TBC1D12: variants seen among roughly 807,000 people sequenced by gnomAD.
TBC1D12 encodes TBC1 domain family member 12.
A neutral mutation model predicts 86.7 loss-of-function variants in TBC1D12; 56 were observed. That is an observed-to-expected ratio of 0.65 (90% CI 0.52 to 0.81). TBC1D12 has a LOEUF of 0.81. TBC1D12 is among the 30% of genes least tolerant of loss of function. The probability of loss-of-function intolerance (pLI) is 0.00; values close to 1 mark genes in which losing one functional copy is unlikely to be tolerated. For missense variants in TBC1D12, 1,023 were observed against 1,038.8 expected (o/e 0.98, Z 0.21); for synonymous variants, 421 against 411.7 (o/e 1.02, Z -0.27).
chr10:94,407,658 G>C (rs2054874547), intron 1 of TBC1D12, among the ~76,000 whole-genome samples: 2 of 148,714 alleles, frequency 1.3e-5, no homozygotes, highest in African/African-American at 5.0e-5. Context: ...CTCCAGCCTG[G>C]GTGACAGATT....
At chr10:94,466,574 T>C (rs1274535864) in intron 2 of TBC1D12, among the ~76,000 whole-genome samples, 3 of 152,188 alleles carry the variant, frequency 2.0e-5, no homozygotes, top group Non-Finnish European at 4.4e-5. Flanking sequence ...CATCCTTTTT[T>C]GTTTGTTTTA....
chr10:94,403,111 C>T lies in TBC1D12; in HGVS notation c.498C>T (p.Arg166=), dbSNP rs2054793620. The T allele has an allele frequency of 7.2e-7, 1 of 1,390,596 alleles. No individual in the cohort carries two copies. The highest frequency in any genetic ancestry group is 3.1e-5 in the East Asian group (1 of 32,574). 86.1% of individuals were successfully genotyped at this position (1,390,596 alleles called of 1,614,324 possible). A position where few individuals can be genotyped will look rare whatever the true frequency, so the allele number is the denominator to read the frequency against. Reference sequence around the variant, plus strand: ...CCGGCGGCCGGGAGTCGCGCCGCCGCCGCCCCTACGGCCGCCTTCGCCTGG... The same window carrying T: ...CCGGCGGCCGGGAGTCGCGCCGCCGTCGCCCCTACGGCCGCCTTCGCCTGG... ...ARAGGRESRR[R]RPYGRLRLEG... is the part of the protein sequence containing the mutation. Residue 166 remains arginine (R), a synonymous_variant, in exon 1 of 13, where the codon CGC becomes CGT. Coordinates refer to ENST00000225235, the MANE Select transcript of TBC1D12 (RefSeq NM_015188.2).
chr10:94,479,720 A>G (rs548277895), intron 3 of TBC1D12, among the ~76,000 whole-genome samples: 1 of 152,294 alleles, frequency 6.6e-6, no homozygotes, highest in South Asian at 2.1e-4. Context: ...TGGATTTTAA[A>G]TGTGGTTGGA....
At chr10:94,463,234 T>G (rs1404872195) in intron 2 of TBC1D12, among the ~76,000 whole-genome samples, 3 of 152,214 alleles carry the variant, frequency 2.0e-5, no homozygotes, top group Non-Finnish European at 4.4e-5. Context: ...TCTCAGTCCA[T>G]TTTCCGTTGC....
Position 94,402,957 on chromosome 10 carries a change from C to T in TBC1D12, c.344C>T (p.Ser115Phe), listed in dbSNP as rs1327257426. The T allele has an allele frequency of 1.3e-6, 2 of 1,572,290 alleles. No homozygotes were observed. The highest frequency in any genetic ancestry group is 2.5e-5 in the East Asian group (1 of 40,346). Residue 115 changes from serine (S) to phenylalanine (F), a missense_variant, in exon 1 of 13, where the codon TCC (serine) becomes TTC (phenylalanine). Transcript: ENST00000225235. The part of the protein sequence containing the change: ...RSDACLLGSG[S>F]KHRGAEVADG... ...GACGCCTGCCTGCTGGGCTCGGGCT[C>T]CAAACACCGCGGCGCGGAGGTGGCT... is the stretch of plus-strand genomic sequence containing the variant.
chr10:94,472,694 CATTG>C (rs1339644101), intron 2 of TBC1D12, among the ~76,000 whole-genome samples: 2 of 151,958 alleles, frequency 1.3e-5, no homozygotes, highest in Non-Finnish European at 2.9e-5. Context: ...AGAAAAGAAA[CATTG>C]AGCATGATTA....
At chr10:94,506,552 C>T (rs557971844) in intron 6 of TBC1D12, among the ~76,000 whole-genome samples, 1 of 151,960 alleles carries the variant, frequency 6.6e-6, no homozygotes, top group African/African-American at 2.4e-5. Flanking sequence ...AAATAAAGAC[C>T]AAAAAAATTT....
chr10:94,432,351 T>C (rs2055229477), intron 1 of TBC1D12, among the ~76,000 whole-genome samples: 1 of 152,226 alleles, frequency 6.6e-6, no homozygotes, highest in Non-Finnish European at 1.5e-5. Context: ...AAAGTAGTGA[T>C]TATTTTCCTA....
chr10:94,484,248 GTT>G (rs35799519), intron 3 of TBC1D12, among the ~76,000 whole-genome samples: 111,963 of 133,580 alleles, frequency 0.84, 46,619 homozygotes, highest in East Asian at 0.96. Flanking sequence ...TGTTTCTTTT[GTT>G]TTTTTTTTTT....
At chr10:94,505,290 G>A (rs907758682) in intron 6 of TBC1D12, among the ~76,000 whole-genome samples, 1 of 152,086 alleles carries the variant, frequency 6.6e-6, no homozygotes, top group African/African-American at 2.4e-5. Context: ...ATAAATAATA[G>A]GAATTTTGCC....
intron 1 of TBC1D12, among the ~76,000 whole-genome samples, chr10:94,427,366 C>G (rs910946535): frequency 5.9e-5 from 9 of 152,196 alleles, no homozygotes; most frequent in Admixed American, 3.9e-4. Context: ...TTCTAACTTC[C>G]CTTTGAATAT....
chr10:94,511,550 G>C, intron 8 of TBC1D12, 33 bp from the exon 9 acceptor site: 2 of 1,355,270 alleles, frequency 1.5e-6, no homozygotes, highest in Non-Finnish European at 2.1e-6. Context: ...AAAATTATTT[G>C]TACAGTTTCA....
Position 94,441,884 on chromosome 10 carries a change from T to A in TBC1D12, c.972-12T>A, listed in dbSNP as rs1360343710. ...CAAAAAACACAATTCATGTAACTTT[T>A]CTGTGTTTCAGAAACCTTTTTCCAA... is the stretch of plus-strand genomic sequence containing the variant. On this transcript the variant is annotated splice_polypyrimidine_tract_variant and intron_variant, in intron 1 of 12. Coordinates refer to ENST00000225235, the MANE Select transcript of TBC1D12 (RefSeq NM_015188.2). 1.2e-6 allele frequency: 2 copies of A among 1,608,476 alleles called. No homozygotes were observed. The highest frequency in any genetic ancestry group is 1.7e-5 in the Admixed American group (1 of 58,802).
chr10:94,463,537 A>C (rs1306027534), intron 2 of TBC1D12, among the ~76,000 whole-genome samples: 1 of 152,248 alleles, frequency 6.6e-6, no homozygotes, highest in Non-Finnish European at 1.5e-5. Flanking sequence ...CTCCTGACCA[A>C]ATTACCTCTT....
intron 6 of TBC1D12, among the ~76,000 whole-genome samples, chr10:94,506,517 C>G (rs998771574): frequency 6.6e-6 from 1 of 152,042 alleles, no homozygotes; most frequent in Admixed American, 6.6e-5. Flanking sequence ...TATGTAGTTT[C>G]AAATATCTGC....
rs138317683 is a variant in TBC1D12 at position 94,416,472 on chromosome 10, A to G, written c.971+12888A>G. ...TTCCCCCCTAGAGCCACAAAATACA[A>G]TTCAATTCATTTACATGATTACCCT... On this transcript the variant is annotated intron_variant, in intron 1 of 12. Transcript: ENST00000225235. Among the ~76,000 whole-genome samples, 436 of 152,318 alleles carry G rather than the reference A, an allele frequency of 2.9e-3. 2 individuals carry two copies. Among genetic ancestry groups the G allele is most frequent in the African/African-American group, 1.0e-2 (415 of 41,574 alleles).
At position 94,510,148 on chromosome 10, in the gene TBC1D12, G is replaced by A. The variant is rs189620911; in HGVS notation, c.1658G>A (p.Arg553His). The change falls in exon 8 of 13, where the codon CGT becomes CAT. Residue 553 changes from arginine to histidine, a missense_variant. Coordinates refer to ENST00000225235, the MANE Select transcript of TBC1D12 (RefSeq NM_015188.2). Reference sequence around the variant, plus strand: ...GAATTAATTAAGTTGGACATATCCCGTACATTTCCATCTCTCTACATCTTT... The same window carrying A: ...GAATTAATTAAGTTGGACATATCCCATACATTTCCATCTCTCTACATCTTT... The part of the protein sequence containing the change: ...SLELIKLDIS[R>H]TFPSLYIFQK... 2.9e-5 allele frequency: 46 copies of A among 1,606,142 alleles called. No individual in the cohort carries two copies. The highest frequency in any genetic ancestry group is 1.0e-4 in the South Asian group (9 of 89,186).
intron 2 of TBC1D12, among the ~76,000 whole-genome samples, chr10:94,462,211 G>A (rs1031592277): frequency 6.6e-6 from 1 of 152,148 alleles, no homozygotes; most frequent in Non-Finnish European, 1.5e-5. Flanking sequence ...TAGAATTGGT[G>A]TTATTTCTTC....
chr10:94,495,172 C>T (rs1040602717), intron 4 of TBC1D12, among the ~76,000 whole-genome samples: 1 of 151,946 alleles, frequency 6.6e-6, no homozygotes. Flanking sequence ...TATAGGTGCC[C>T]GCCACCAGGC....
Sources: allele counts gnomAD v4.1 joint callset (sites outside exome capture counted in the v4.1 genomes callset), GRCh38; gene constraint gnomAD v4.1.1; transcripts MANE v1.5; gene names NCBI Gene and HGNC (gene_info 2026-07-23, HGNC 2026-07-21).